Variants in ZNF626 observed in about 807,000 individuals in gnomAD.
ZNF626 encodes zinc finger protein 626.
In ZNF626, 4 loss-of-function variants were observed where a neutral mutation model predicts 11.7. That is an observed-to-expected ratio of 0.34 (90% CI 0.17 to 0.78). ZNF626 has a LOEUF of 0.78. ZNF626 is among the 30% of genes least tolerant of loss of function. The probability of loss-of-function intolerance (pLI) is 0.57; values close to 1 mark genes in which losing one functional copy is unlikely to be tolerated. For missense variants in ZNF626, 588 were observed against 587.1 expected (o/e 1.00, Z -0.01); for synonymous variants, 179 against 198.6 (o/e 0.90, Z 0.83).
chr19:20,647,369 C>T (rs1000868328), intron 1 of ZNF626, among the ~76,000 whole-genome samples: 3 of 150,298 alleles, frequency 2.0e-5, no homozygotes, highest in East Asian at 2.0e-4. Flanking sequence ...CATAAAGATA[C>T]GTAATAATAA....
intron 3 of ZNF626, 151 bp downstream of exon 3, chr19:20,645,533 C>CCAAA (rs782365866): frequency 1.8e-4 from 278 of 1,558,474 alleles, no homozygotes; most frequent in Non-Finnish European, 2.2e-4. Context: ...AAAGAAAAAA[C>CCAAA]CAAACAAACA....
chr19:20,628,100 G>A (rs1309209805), intron 3 of ZNF626, among the ~76,000 whole-genome samples: 3 of 152,032 alleles, frequency 2.0e-5, no homozygotes, highest in African/African-American at 7.3e-5. Context: ...CCCTACAAAG[G>A]ACATGAACTC....
At chr19:20,660,750 CCT>C (rs1463795725) in intron 1 of ZNF626, among the ~76,000 whole-genome samples, 1 of 151,954 alleles carries the variant, frequency 6.6e-6, no homozygotes, top group Non-Finnish European at 1.5e-5. Context: ...TAATGCAGTT[CCT>C]GTTTTTGTTT....
At position 20,624,126 on chromosome 19, in the gene ZNF626, C is replaced by G. The variant is rs781943400; in HGVS notation, c.*164G>C. On this transcript the variant is annotated 3_prime_UTR_variant, in exon 4 of 4. Coordinates refer to ENST00000601440, the MANE Select transcript of ZNF626 (RefSeq NM_001076675.3). Reference sequence around the variant, plus strand: ...AGGGTTTCTCTCCAGTATGAAATCTCTTATGTGTAGTAAGTTTAGAGGAGT... The same window carrying G: ...AGGGTTTCTCTCCAGTATGAAATCTGTTATGTGTAGTAAGTTTAGAGGAGT... The G allele has an allele frequency of 1.7e-6, 2 of 1,177,990 alleles. No homozygotes were observed. Among genetic ancestry groups the G allele is most frequent in the Non-Finnish European group, 2.5e-6 (2 of 785,654 alleles). The allele number at this position is 1,177,990 out of a possible 1,614,324, so 73.0% of individuals were successfully genotyped here. A position where few individuals can be genotyped will look rare whatever the true frequency, so the allele number is the denominator to read the frequency against.
chr19:20,649,322 G>T (rs868973262), intron 1 of ZNF626, among the ~76,000 whole-genome samples: 1 of 152,124 alleles, frequency 6.6e-6, no homozygotes, highest in East Asian at 1.9e-4. Context: ...ACAATGAGCT[G>T]CTCCATGAAG....
At chr19:20,647,012 A>C (rs1970087380) in intron 1 of ZNF626, among the ~76,000 whole-genome samples, 1 of 145,838 alleles carries the variant, frequency 6.9e-6, no homozygotes, top group African/African-American at 2.5e-5. Flanking sequence ...CGCACCCGGT[A>C]ATTTTTTTCG....
At position 20,621,494 on chromosome 19, in the gene ZNF626, T is replaced by C. The variant is rs906319111; in HGVS notation, c.*2796A>G. ...CACCCTGTAGTCAATTACAATTTAA[T>C]TGGACATTTAAAAGTAACTAAAAGT... On this transcript the variant is annotated 3_prime_UTR_variant, in exon 4 of 4. Transcript: ENST00000601440. 6.6e-6 allele frequency: 1 copy of C among 152,274 alleles called. No homozygotes were observed. The highest frequency in any genetic ancestry group is 2.1e-4 in the South Asian group (1 of 4,824). 9.4% of individuals were successfully genotyped at this position (152,274 alleles called of 1,614,324 possible). A position where few individuals can be genotyped will look rare whatever the true frequency, so the allele number is the denominator to read the frequency against.
Position 20,625,457 on chromosome 19 carries a change from G to C in ZNF626, c.420C>G (p.Thr140=), listed in dbSNP as rs1173127585. 6.2e-7 allele frequency: 1 copy of C among 1,613,984 alleles called. No homozygotes were observed. Among genetic ancestry groups the C allele is most frequent in the African/African-American group, 1.3e-5 (1 of 75,008 alleles). The change falls in exon 4 of 4, where the codon ACC becomes ACG. Residue 140 remains threonine (T), a synonymous_variant. Transcript: ENST00000601440. The part of the protein sequence containing the change: ...YNELNQCLTT[T]PRKICQCDKY... ...TATCACATTGACATATTTTTCTTGGGGTAGTTGTCAAACATTGGTTAAGTT... is the reference window on the plus strand; with the variant it reads ...TATCACATTGACATATTTTTCTTGGCGTAGTTGTCAAACATTGGTTAAGTT...
intron 3 of ZNF626, among the ~76,000 whole-genome samples, chr19:20,627,092 G>C (rs1257207732): frequency 2.0e-5 from 3 of 150,908 alleles, no homozygotes; most frequent in South Asian, 4.2e-4. Flanking sequence ...ATAAAAATGA[G>C]GATAATAATA....
Position 20,623,999 on chromosome 19 carries a change from C to G in ZNF626, c.*291G>C. Reference sequence around the variant, plus strand: ...ATTGAGGGCTGGTTAAAAGATTTTCCCCATTCATCACATTCACATGGTTTC... The same window carrying G: ...ATTGAGGGCTGGTTAAAAGATTTTCGCCATTCATCACATTCACATGGTTTC... On this transcript the variant is annotated 3_prime_UTR_variant, in exon 4 of 4. Coordinates refer to ENST00000601440, the MANE Select transcript of ZNF626 (RefSeq NM_001076675.3). 7.1e-6 allele frequency: 4 copies of G among 566,492 alleles called. No individual in the cohort carries two copies. In the South Asian group the frequency reaches 7.8e-5, roughly 11 times the overall value. The allele number at this position is 566,492 out of a possible 1,614,324, so 35.1% of individuals were successfully genotyped here. A position where few individuals can be genotyped will look rare whatever the true frequency, so the allele number is the denominator to read the frequency against.
chr19:20,634,604 G>T (rs562945718), intron 3 of ZNF626, among the ~76,000 whole-genome samples: 264 of 151,302 alleles, frequency 1.7e-3, no homozygotes, highest in Middle Eastern at 3.4e-3. Flanking sequence ...TGTAATCCCA[G>T]CACTTTGGGA....
Position 20,620,693 on chromosome 19 carries a change from T to C in ZNF626, c.*3597A>G, listed in dbSNP as rs1394557664. The C allele has an allele frequency of 1.3e-5, 2 of 151,924 alleles. No individual in the cohort carries two copies. Among genetic ancestry groups the C allele is most frequent in the Non-Finnish European group, 2.9e-5 (2 of 68,024 alleles). The allele number at this position is 151,924 out of a possible 1,614,324, so 9.4% of individuals were successfully genotyped here. ...CTCAGCCTCCAGGTGTGCGCCACCA[T>C]GACTGGCTAATTTTTCTATTTTTAG... On this transcript the variant is annotated 3_prime_UTR_variant, in exon 4 of 4. Transcript: ENST00000601440.
chr19:20,639,201 G>A (rs1969997256), intron 3 of ZNF626, among the ~76,000 whole-genome samples: 1 of 152,110 alleles, frequency 6.6e-6, no homozygotes, highest in Non-Finnish European at 1.5e-5. Context: ...CCAAGAAAAT[G>A]TACCAGCCAT....
chr19:20,641,506 G>T (rs375035935), intron 3 of ZNF626, among the ~76,000 whole-genome samples: 1 of 152,084 alleles, frequency 6.6e-6, no homozygotes, highest in East Asian at 1.9e-4. Context: ...TTATTTCATG[G>T]GTATTGAGTT....
At chr19:20,636,054 C>G (rs10405138) in intron 3 of ZNF626, among the ~76,000 whole-genome samples, 11,182 of 152,138 alleles carry the variant, frequency 0.073, 1,158 homozygotes, top group African/African-American at 0.24. Flanking sequence ...ATGGCATGAA[C>G]CTAGAAGTTG....
At chr19:20,637,377 C>G (rs782412014) in intron 3 of ZNF626, among the ~76,000 whole-genome samples, 1 of 150,680 alleles carries the variant, frequency 6.6e-6, no homozygotes, top group Non-Finnish European at 1.5e-5. Flanking sequence ...CCCAGCTACA[C>G]GGGAGGCTGA....
chr19:20,628,349 C>A (rs534240225), intron 3 of ZNF626, among the ~76,000 whole-genome samples: 152 of 152,256 alleles, frequency 1.0e-3, no homozygotes, highest in Middle Eastern at 3.4e-3. Context: ...CCTGAGGAAT[C>A]ACCACACTGA....
At chr19:20,626,849 T>C (rs184720475) in intron 3 of ZNF626, among the ~76,000 whole-genome samples, 108 of 152,202 alleles carry the variant, frequency 7.1e-4, no homozygotes, top group Middle Eastern at 3.4e-3. Flanking sequence ...AACCCATCTC[T>C]GCTAAAAATA....
In ZNF626 at chr19:20,624,377, C is replaced by G; in HGVS notation, c.1500G>C (p.Glu500Asp). 1 of 721,152 alleles carries G rather than the reference C, an allele frequency of 1.4e-6. No homozygotes were observed. The highest frequency in any genetic ancestry group is 2.2e-6 in the Non-Finnish European group (1 of 449,678). 44.7% of individuals were successfully genotyped at this position (721,152 alleles called of 1,614,324 possible). A position where few individuals can be genotyped will look rare whatever the true frequency, so the allele number is the denominator to read the frequency against. ...FNQSSILTTH[E>D]RIILERNSTN... ...TAGAATTTCTCTCCAGTATGATTCT[C>G]TCATGTGTAGTAAGGATTGAGGACT... Residue 500 changes from glutamate (E) to aspartate (D), a missense_variant, in exon 4 of 4, where the codon GAG becomes GAC. Transcript: ENST00000601440.
Sources: allele counts gnomAD v4.1 joint callset (sites outside exome capture counted in the v4.1 genomes callset), GRCh38; gene constraint gnomAD v4.1.1; transcripts MANE v1.5; gene names NCBI Gene and HGNC (gene_info 2026-07-23, HGNC 2026-07-21).